The following SHISA5 variants were observed in gnomAD, a reference collection of about 807,000 sequenced individuals.
The protein encoded by SHISA5 is shisa family member 5, also known as protein shisa-5.
A neutral mutation model predicts 27.5 loss-of-function variants in SHISA5; 21 were observed. That is an observed-to-expected ratio of 0.76 (90% CI 0.54 to 1.10). The LOEUF (loss-of-function observed/expected upper bound fraction) is 1.10, where lower values mean the gene tolerates loss of function less well. Ranked by LOEUF, SHISA5 falls within the 50% of genes least tolerant of loss-of-function variation. The pLI, the probability that SHISA5 is intolerant of heterozygous loss-of-function variation, is 0.00. For synonymous variants in SHISA5, 137 were observed against 142.2 expected, an observed-to-expected ratio of 0.96 and a Z score of 0.26; for missense variants, 314 against 336.3, an observed-to-expected ratio of 0.93 and a Z score of 0.52.
intron 2 of SHISA5, among the ~76,000 whole-genome samples, chr3:48,493,304 C>T (rs1181073644): frequency 6.9e-6 from 1 of 145,948 alleles, no homozygotes; most frequent in Non-Finnish European, 1.5e-5. Context: ...ATGGCGCATG[C>T]CTGTAATCCC....
intron 2 of SHISA5, among the ~76,000 whole-genome samples, chr3:48,490,077 C>T (rs2041377199): frequency 6.6e-6 from 1 of 151,592 alleles, no homozygotes; most frequent in Non-Finnish European, 1.5e-5. Context: ...GTTGTTGTTG[C>T]TTTTTTTCTG....
intron 2 of SHISA5, among the ~76,000 whole-genome samples, chr3:48,499,611 C>T (rs113203248): frequency 2.1e-5 from 3 of 144,870 alleles, no homozygotes; most frequent in Admixed American, 7.0e-5. Context: ...ACCTGGGAGG[C>T]GGAGCTTGCA....
intron 2 of SHISA5, among the ~76,000 whole-genome samples, chr3:48,493,599 C>T (rs1044446481): frequency 0.086 from 10,584 of 123,332 alleles, 1,751 homozygotes; most frequent in African/African-American, 0.27. Flanking sequence ...GGCACAATCT[C>T]GGCTCACTGC....
intron 2 of SHISA5, among the ~76,000 whole-genome samples, chr3:48,495,117 T>C (rs2041509400): frequency 6.8e-6 from 1 of 146,654 alleles, no homozygotes; most frequent in Non-Finnish European, 1.5e-5. Context: ...TATATCTCAA[T>C]ATTTTGAAAA....
intron 2 of SHISA5, among the ~76,000 whole-genome samples, chr3:48,486,312 T>C (rs1209356425): frequency 1.1e-5 from 1 of 94,860 alleles, no homozygotes; most frequent in Non-Finnish European, 1.8e-5. Flanking sequence ...TATTATATAA[T>C]ATATAATACA....
intron 2 of SHISA5, among the ~76,000 whole-genome samples, chr3:48,493,523 CTTTTTTTTTTT>C (rs1195281041): frequency 2.0e-5 from 1 of 50,422 alleles, no homozygotes; most frequent in Non-Finnish European, 3.1e-5. Flanking sequence ...ATGATCTATT[CTTTTTTTTTTT>C]TTTTTTTTTT....
chr3:48,472,098 G>A (rs568770700), intron 3 of SHISA5, among the ~76,000 whole-genome samples: 3 of 151,056 alleles, frequency 2.0e-5, no homozygotes, highest in African/African-American at 2.4e-5. Context: ...CAGGAGAATC[G>A]CTTGAACCAA....
intron 2 of SHISA5, among the ~76,000 whole-genome samples, chr3:48,495,799 G>A (rs936389963): frequency 2.0e-5 from 3 of 147,406 alleles, no homozygotes; most frequent in Middle Eastern, 3.5e-3. Context: ...GGGATTACAG[G>A]CGTGAGCCAC....
chr3:48,472,357 G>A (rs577183723), intron 3 of SHISA5, among the ~76,000 whole-genome samples: 3 of 151,848 alleles, frequency 2.0e-5, no homozygotes, highest in Non-Finnish European at 2.9e-5. Flanking sequence ...TTAGCCGGGC[G>A]TGGTGGCACG....
In SHISA5 at chr3:48,482,019, A is replaced by T. The variant is rs1194225225; in HGVS notation, c.234-2762T>A. 4.7e-5 allele frequency among the ~76,000 whole-genome samples: 7 copies of T among 148,860 alleles called. No individual in the cohort carries two copies. The Admixed American group carries it at 4.7e-4, about 10-fold the overall frequency. ...GGGAGGCAGAGGTTGCAGTGAGCCG[A>T]GATCATGCCACTGCACTCCAGCCTG... On this transcript the variant is annotated intron_variant, in intron 2 of 5. Coordinates refer to ENST00000296444, the MANE Select transcript of SHISA5 (RefSeq NM_016479.6).
intron 1 of SHISA5, 25 bp from the exon 2 acceptor site, chr3:48,501,318 C>T: frequency 6.2e-7 from 1 of 1,607,552 alleles, no homozygotes; most frequent in South Asian, 1.1e-5. Flanking sequence ...CACATCTGTT[C>T]ACCTGTGCCC....
At chr3:48,485,174 C>CA (rs1028598914) in intron 2 of SHISA5, among the ~76,000 whole-genome samples, 3 of 151,354 alleles carry the variant, frequency 2.0e-5, no homozygotes, top group African/African-American at 4.9e-5. Context: ...GACTCAGTCT[C>CA]AAAAAAACGA....
intron 2 of SHISA5, among the ~76,000 whole-genome samples, chr3:48,483,854 C>G (rs1485304122): frequency 6.6e-6 from 1 of 151,872 alleles, no homozygotes; most frequent in Non-Finnish European, 1.5e-5. Flanking sequence ...GGCGGCTGGC[C>G]GGGCGGGGGG....
chr3:48,495,740 C>A (rs1326982960), intron 2 of SHISA5, among the ~76,000 whole-genome samples: 2 of 147,480 alleles, frequency 1.4e-5, no homozygotes, highest in Non-Finnish European at 2.9e-5. Flanking sequence ...CCAGCCTGAT[C>A]TCGAACTCCA....
rs572802543 is a variant in SHISA5 at position 48,483,583 on chromosome 3, C to T, written c.234-4326G>A. ...CAAAACCGCCATTGTCACCTTGGCCCGTTCTCAATGAGCTGTTCGGTACAC... is the reference window on the plus strand; with the variant it reads ...CAAAACCGCCATTGTCACCTTGGCCTGTTCTCAATGAGCTGTTCGGTACAC... On this transcript the variant is annotated intron_variant, in intron 2 of 5. Coordinates refer to ENST00000296444, the MANE Select transcript of SHISA5 (RefSeq NM_016479.6). 7.6e-4 allele frequency among the ~76,000 whole-genome samples: 116 copies of T among 152,272 alleles called. 1 individual carries two copies. The East Asian group carries it at 0.019, about 24-fold the overall frequency.
chr3:48,502,477 C>G (rs1560137121), intron 1 of SHISA5: 1 of 447,856 alleles, frequency 2.2e-6, no homozygotes, highest in Non-Finnish European at 4.5e-6. Context: ...AGACTCTCAG[C>G]ACAGAGTTGG....
At chr3:48,483,770 ACCCCACCACCTCCCTCCC>A (rs2041107650) in intron 2 of SHISA5, among the ~76,000 whole-genome samples, 60 of 142,980 alleles carry the variant, frequency 4.2e-4, no homozygotes, top group Middle Eastern at 7.6e-3. Flanking sequence ...CGGGGGGCTG[ACCCCACCACCTCCCTCCC>A]GGACGGGGCG....
chr3:48,480,183 G>T (rs1027600682), intron 2 of SHISA5, among the ~76,000 whole-genome samples: 2 of 151,882 alleles, frequency 1.3e-5, no homozygotes, highest in African/African-American at 4.8e-5. Flanking sequence ...GATTACAGGC[G>T]TGAGCCACCA....
At chr3:48,485,853 G>A (rs146240237) in intron 2 of SHISA5, among the ~76,000 whole-genome samples, 3 of 151,466 alleles carry the variant, frequency 2.0e-5, no homozygotes, top group African/African-American at 4.8e-5. Context: ...GAGAGGCTGA[G>A]CAGCACTTCT....
Sources: gnomAD v4.1 joint callset for allele counts (sites outside exome capture counted in the v4.1 genomes callset) on GRCh38, gnomAD v4.1.1 for gene constraint, MANE v1.5 for transcripts, NCBI Gene and HGNC (gene_info 2026-07-23, HGNC 2026-07-21) for gene names.